Variants in MYH9 observed in about 807,000 individuals in gnomAD.
The protein encoded by MYH9 is myosin-9.
A neutral mutation model predicts 241.9 loss-of-function variants in MYH9; 29 were observed. That is an observed-to-expected ratio of 0.12 (90% CI 0.09 to 0.16). MYH9 has a LOEUF of 0.16. Among genes scored for constraint, MYH9 ranks in the 10% least tolerant of loss-of-function variants. The probability of loss-of-function intolerance (pLI) is 1.00; values close to 1 mark genes in which losing one functional copy is unlikely to be tolerated. For missense variants in MYH9, 1,803 were observed against 2,595.5 expected, an observed-to-expected ratio of 0.69 and a Z score of 6.63; for synonymous variants, 1,047 against 1,062.6, an observed-to-expected ratio of 0.99 and a Z score of 0.29.
intron 12 of MYH9, among the ~76,000 whole-genome samples, chr22:36,315,775 G>T (rs1157139352): frequency 6.7e-6 from 1 of 149,110 alleles, no homozygotes; most frequent in Non-Finnish European, 1.5e-5. Flanking sequence ...CAAACAAAAG[G>T]TCTCATTTTC....
chr22:36,367,554 T>A (rs1489693205), intron 1 of MYH9, among the ~76,000 whole-genome samples: 2 of 152,016 alleles, frequency 1.3e-5, no homozygotes, highest in African/African-American at 4.8e-5. Flanking sequence ...TACAGAAAAA[T>A]TAACTTACCG....
chr22:36,304,916 G>A, intron 18 of MYH9, 117 bp downstream of exon 18: 2 of 1,032,744 alleles, frequency 1.9e-6, no homozygotes, highest in Admixed American at 1.7e-5. Flanking sequence ...GCATCAGAAG[G>A]GACACAGCCT....
intron 20 of MYH9, 184 bp from the exon 21 acceptor site, chr22:36,301,849 A>G (rs866661114): frequency 5.7e-6 from 4 of 706,348 alleles, no homozygotes; most frequent in South Asian, 1.7e-5. Context: ...CTGACCCGCT[A>G]ACTACATTCC....
At chr22:36,292,456 A>C (rs2016721903) in intron 30 of MYH9, among the ~76,000 whole-genome samples, 1 of 152,086 alleles carries the variant, frequency 6.6e-6, no homozygotes, top group Non-Finnish European at 1.5e-5. Context: ...AGCCCGGGGG[A>C]GGCTGACCCC....
chr22:36,290,945 G>A (rs1389361437), intron 31 of MYH9, among the ~76,000 whole-genome samples: 5 of 149,218 alleles, frequency 3.4e-5, no homozygotes, highest in South Asian at 2.1e-4. Flanking sequence ...GAGCCCCTCC[G>A]CCCTGCAGCC....
rs1325254646 is a variant in MYH9 at position 36,329,238 on chromosome 22, T to C, written c.491-1750A>G. Among the ~76,000 whole-genome samples, 1 of 151,046 alleles carries C rather than the reference T, an allele frequency of 6.6e-6. No individual in the cohort carries two copies. Among genetic ancestry groups the C allele is most frequent in the Non-Finnish European group, 1.5e-5 (1 of 67,660 alleles). On this transcript the variant is annotated intron_variant, in intron 3 of 40. Coordinates refer to ENST00000216181, the MANE Select transcript of MYH9 (RefSeq NM_002473.6). This position sits in a 1 kb window ranked among gnomAD's most constrained non-coding sequence, Gnocchi z 4.1. ...TGGAAACTACTCAGGAGGCAAGCTCTAGGGGAGGCAAGCCTTACTCCCCCT... is the reference window on the plus strand; with the variant it reads ...TGGAAACTACTCAGGAGGCAAGCTCCAGGGGAGGCAAGCCTTACTCCCCCT...
Position 36,293,721 on chromosome 22 carries a change from G to T in MYH9, c.3942+38C>A. 6.4e-7 allele frequency: 1 copy of T among 1,574,346 alleles called. No homozygotes were observed. ...TTGCGTGGACACAGAGGCCTTTCTGGAGGGGTCCACCTTCTGGGAACCTGG... is the reference window on the plus strand; with the variant it reads ...TTGCGTGGACACAGAGGCCTTTCTGTAGGGGTCCACCTTCTGGGAACCTGG... On this transcript the variant is annotated intron_variant, in intron 29 of 40. Coordinates refer to ENST00000216181, the MANE Select transcript of MYH9 (RefSeq NM_002473.6). The surrounding 1 kb of genome is among the most constrained non-coding windows in gnomAD (Gnocchi z 5.1).
At chr22:36,321,026 C>G in intron 7 of MYH9, 130 bp from the exon 8 acceptor site, 1 of 681,428 alleles carries the variant, frequency 1.5e-6, no homozygotes, top group Non-Finnish European at 2.6e-6. Flanking sequence ...GATCTCGGCT[C>G]ACTGCAGCCT....
At chr22:36,355,678 G>A (rs2017844030) in intron 1 of MYH9, among the ~76,000 whole-genome samples, 1 of 152,124 alleles carries the variant, frequency 6.6e-6, no homozygotes, top group Non-Finnish European at 1.5e-5. Context: ...AATTTCATGA[G>A]GCACATACAT....
At chr22:36,304,887 C>T (rs559483982) in intron 18 of MYH9, 146 bp downstream of exon 18, 12 of 814,182 alleles carry the variant, frequency 1.5e-5, no homozygotes, top group Middle Eastern at 3.5e-4. Context: ...AAAGGGCGCC[C>T]GGCAGAGTCA....
intron 2 of MYH9, among the ~76,000 whole-genome samples, chr22:36,343,299 G>A (rs939009617): frequency 3.3e-5 from 5 of 152,278 alleles, no homozygotes; most frequent in African/African-American, 1.2e-4. Context: ...ACTTGGGGAG[G>A]CCAGGGTGAG....
At chr22:36,284,015 T>C in intron 40 of MYH9, 78 bp downstream of exon 40, 2 of 1,558,668 alleles carry the variant, frequency 1.3e-6, no homozygotes, top group Non-Finnish European at 8.8e-7. Context: ...GTGCCTTGCT[T>C]GTGGGCTCTG....
chr22:36,352,948 A>G (rs5756164), intron 1 of MYH9, among the ~76,000 whole-genome samples: 145,885 of 152,222 alleles, frequency 0.96, 69,918 homozygotes, highest in Middle Eastern at 0.99. Flanking sequence ...CACGGGTTAG[A>G]CCGGCAGGGA....
chr22:36,348,835 A>AGTGGGGG, intron 2 of MYH9, 69 bp downstream of exon 2: 2 of 869,008 alleles, frequency 2.3e-6, no homozygotes, highest in East Asian at 1.2e-4. Flanking sequence ...GGTGATGGGA[A>AGTGGGGG]GACCCGCCCC....
chr22:36,299,073 T>C, intron 23 of MYH9, 31 bp from the exon 24 acceptor site: 2 of 1,613,582 alleles, frequency 1.2e-6, no homozygotes, highest in Admixed American at 1.7e-5. Flanking sequence ...TGGCATTTAG[T>C]GTTGGTTGAG....
intron 24 of MYH9, among the ~76,000 whole-genome samples, chr22:36,297,608 T>C (rs189561310): frequency 2.0e-4 from 31 of 152,346 alleles, no homozygotes; most frequent in African/African-American, 6.7e-4. Context: ...CCCCATCACG[T>C]GATCTTGAGA....
At chr22:36,325,849 C>G (rs568930821) in intron 5 of MYH9, among the ~76,000 whole-genome samples, 2 of 152,338 alleles carry the variant, frequency 1.3e-5, no homozygotes, top group South Asian at 2.1e-4. Context: ...GTGTGCCACA[C>G]CCAGCCCCTC....
intron 31 of MYH9, among the ~76,000 whole-genome samples, chr22:36,291,072 C>T (rs1184808185): frequency 1.3e-5 from 2 of 150,406 alleles, no homozygotes; most frequent in Non-Finnish European, 3.0e-5. Context: ...GTCAGCCCCC[C>T]GCCAGGCCAG....
At chr22:36,375,326 GCTCTCCCT>G (rs1214704075) in intron 1 of MYH9, among the ~76,000 whole-genome samples, 5 of 152,222 alleles carry the variant, frequency 3.3e-5, no homozygotes, top group Non-Finnish European at 7.3e-5. Context: ...CTTTCCACCT[GCTCTCCCT>G]TAGGACCAAC....
Sources: allele counts gnomAD v4.1 joint callset (sites outside exome capture counted in the v4.1 genomes callset), GRCh38; gene constraint gnomAD v4.1.1; non-coding constraint Gnocchi (gnomAD v3.1); transcripts MANE v1.5; gene names NCBI Gene and HGNC (gene_info 2026-07-23, HGNC 2026-07-21).